Variants in CCNT2 observed in about 807,000 individuals in gnomAD.
The protein encoded by CCNT2 is cyclin-T2.
CCNT2 carries 18 observed loss-of-function variants against 70.0 expected under a neutral mutation model. The observed-to-expected ratio is 0.26, with a 90% CI of 0.18 to 0.38. CCNT2 has a LOEUF of 0.38. CCNT2 is among the 10% of genes least tolerant of loss of function. CCNT2 has a pLI of 1.00. For synonymous variants in CCNT2, 334 were observed against 313.3 expected (o/e 1.07, Z -0.70); for missense variants, 734 against 890.2 (o/e 0.82, Z 2.23).
chr2:134,943,199 G>C (rs1020264310), intron 5 of CCNT2: 1 of 609,348 alleles, frequency 1.6e-6, no homozygotes, highest in East Asian at 1.4e-4. Flanking sequence ...TCAGGAGTTC[G>C]AGACCAGCCT....
chr2:134,944,656 C>G (rs974577234), intron 5 of CCNT2: 1 of 981,672 alleles, frequency 1.0e-6, no homozygotes, highest in Non-Finnish European at 1.2e-6. Flanking sequence ...GAGTACAAAC[C>G]ATATATATGT....
chr2:134,919,057 C>T (rs769198810), intron 1 of CCNT2, 45 bp downstream of exon 1: 1 of 1,541,902 alleles, frequency 6.5e-7, no homozygotes, highest in Non-Finnish European at 8.7e-7. Flanking sequence ...TTTCCCTTGC[C>T]CGGTCGCCGG....
chr2:134,919,339 T>A (rs1679680701), intron 1 of CCNT2, among the ~76,000 whole-genome samples: 1 of 152,150 alleles, frequency 6.6e-6, no homozygotes, highest in Middle Eastern at 3.2e-3. Context: ...TCCCTGGACT[T>A]GTCCCTGACC....
In CCNT2 at chr2:134,953,462, C is replaced by T; in HGVS notation, c.1007C>T (p.Thr336Ile). 1 of 1,614,008 alleles carries T rather than the reference C, an allele frequency of 6.2e-7. No homozygotes were observed. The highest frequency in any genetic ancestry group is 8.5e-7 in the Non-Finnish European group (1 of 1,179,896). The change falls in exon 9 of 9, where the codon ACA (threonine) becomes ATA (isoleucine). Residue 336 changes from threonine (T) to isoleucine (I), a missense_variant. Coordinates refer to ENST00000264157, the MANE Select transcript of CCNT2 (RefSeq NM_058241.3). ...TCTGATAATTTGTCAATGCTAGCAA[C>T]AGGAATGCCAAGTACTTCATACGGT... ...HTSDNLSMLATGMPSTSYGLS... is the reference protein window; with the variant it reads ...HTSDNLSMLAIGMPSTSYGLS...
intron 4 of CCNT2, among the ~76,000 whole-genome samples, chr2:134,939,265 G>A (rs371546036): frequency 6.6e-6 from 1 of 152,012 alleles, no homozygotes; most frequent in Admixed American, 6.5e-5. Context: ...AATGGTAAAC[G>A]TACCCTTCAG....
chr2:134,923,229 C>A (rs990430770), intron 2 of CCNT2, among the ~76,000 whole-genome samples: 7 of 151,930 alleles, frequency 4.6e-5, no homozygotes, highest in Non-Finnish European at 1.0e-4. Context: ...TGCAGTGAGC[C>A]GAGATCACAT....
chr2:134,934,187 G>T (rs549445808), intron 2 of CCNT2, among the ~76,000 whole-genome samples: 3 of 152,060 alleles, frequency 2.0e-5, no homozygotes, highest in African/African-American at 4.8e-5. Flanking sequence ...AACACTATTC[G>T]CATCAACTTC....
intron 2 of CCNT2, 120 bp from the exon 3 acceptor site, chr2:134,936,721 T>C: frequency 1.3e-6 from 1 of 768,192 alleles, no homozygotes. Context: ...ACCACTGCAC[T>C]CCAGCCTGGG....
chr2:134,928,662 T>C (rs1188227364), intron 2 of CCNT2, among the ~76,000 whole-genome samples: 2 of 152,092 alleles, frequency 1.3e-5, no homozygotes, highest in African/African-American at 4.8e-5. Flanking sequence ...ATTCACACTA[T>C]AGTAATTCCT....
At position 134,954,199 on chromosome 2, in the gene CCNT2, A is replaced by G. The variant is rs182667340; in HGVS notation, c.1744A>G (p.Ser582Gly). 12 of 1,614,124 alleles carry G rather than the reference A, an allele frequency of 7.4e-6. No homozygotes were observed. In the East Asian group the frequency reaches 2.0e-4, roughly 27 times the overall value. The change falls in exon 9 of 9, where the codon AGC (serine) becomes GGC (glycine). Residue 582 changes from serine to glycine, a missense_variant. By Grantham distance (56) the Ser-to-Gly change is moderately conservative. Around this residue, in one of 3 missense-constraint regions of CCNT2, gnomAD observed 532 missense variants for 556.9 expected, o/e 0.96. Coordinates refer to ENST00000264157, the MANE Select transcript of CCNT2 (RefSeq NM_058241.3). ...CAAGCATTCCCACTCGCATAGTGGC[A>G]GCAGCAGCGGTGGCAGTAAACACAG... is the stretch of plus-strand genomic sequence containing the variant. ...SHKHSHSHSGSSSGGSKHSAD... is the reference protein window; with the variant it reads ...SHKHSHSHSGGSSGGSKHSAD...
rs760816765 is a variant in CCNT2 at position 134,918,822 on chromosome 2, G to C, written c.-33G>C. On this transcript the variant is annotated 5_prime_UTR_variant, in exon 1 of 9. Transcript: ENST00000264157. ...GTCCGCGAGCCAGGAGGGGCGGGGG[G>C]TGAATGAAGGAGCGGGCGGAGGAGG... 2.7e-4 allele frequency: 424 copies of C among 1,598,732 alleles called. No individual in the cohort carries two copies. Among genetic ancestry groups the C allele is most frequent in the Non-Finnish European group, 3.2e-4 (380 of 1,170,342 alleles).
chr2:134,944,072 AT>A, intron 5 of CCNT2: 1 of 984,938 alleles, frequency 1.0e-6, no homozygotes, highest in Non-Finnish European at 1.2e-6. Context: ...TCTAATTTGT[AT>A]TTTTTTGTAG....
chr2:134,926,191 T>G (rs561825070), intron 2 of CCNT2, among the ~76,000 whole-genome samples: 1 of 152,290 alleles, frequency 6.6e-6, no homozygotes, highest in African/African-American at 2.4e-5. Flanking sequence ...CTTCTAGTCT[T>G]TTCTTACAGT....
At chr2:134,952,970 A>G (rs1444271930) in intron 8 of CCNT2, 4 of 484,032 alleles carry the variant, frequency 8.3e-6, no homozygotes, top group Non-Finnish European at 1.4e-5. Context: ...ACTGAAGCCT[A>G]GACAAGTTAA....
In CCNT2 at chr2:134,947,790, A is replaced by G. The variant is rs756329091; in HGVS notation, c.594A>G (p.Val198=). 1.3e-6 allele frequency: 2 copies of G among 1,564,562 alleles called. No individual in the cohort carries two copies. The highest frequency in any genetic ancestry group is 1.7e-4 in the Middle Eastern group (1 of 5,848). ...LQYKPTVIAC[V]CIHLACKWSN... ...ACAAACCAACAGTGATAGCATGTGTATGCATTCATTTGGCTTGCAAATGGT... is the reference window on the plus strand; with the variant it reads ...ACAAACCAACAGTGATAGCATGTGTGTGCATTCATTTGGCTTGCAAATGGT... Residue 198 remains valine, a synonymous_variant, in exon 7 of 9, where the codon GTA becomes GTG. Coordinates refer to ENST00000264157, the MANE Select transcript of CCNT2 (RefSeq NM_058241.3).
rs531320130 is a variant in CCNT2 at position 134,921,589 on chromosome 2, G to C, written c.240+1698G>C. Among the ~76,000 whole-genome samples the C allele has an allele frequency of 1.4e-4, 21 of 152,252 alleles. No individual in the cohort carries two copies. The East Asian group carries it at 4.1e-3, about 29-fold the overall frequency. ...GGCCGGTCTTGAGCTCCTGACCTCAGGTGATCCGTCCGCCTCGGCCTCCCA... is the reference window on the plus strand; with the variant it reads ...GGCCGGTCTTGAGCTCCTGACCTCACGTGATCCGTCCGCCTCGGCCTCCCA... On this transcript the variant is annotated intron_variant, in intron 2 of 8. Transcript: ENST00000264157.
At chr2:134,951,966 G>A (rs1207164298) in intron 7 of CCNT2, among the ~76,000 whole-genome samples, 1 of 152,104 alleles carries the variant, frequency 6.6e-6, no homozygotes, top group East Asian at 1.9e-4. Flanking sequence ...TGACACTTAG[G>A]AGAATAATGG....
intron 4 of CCNT2, among the ~76,000 whole-genome samples, chr2:134,940,192 T>C (rs1051932731): frequency 5.3e-5 from 8 of 152,190 alleles, no homozygotes; most frequent in Non-Finnish European, 1.2e-4. Context: ...GACTCTTCGT[T>C]ACAAAACTAG....
intron 6 of CCNT2, 94 bp downstream of exon 6, chr2:134,946,240 G>A (rs552829067): frequency 9.9e-5 from 143 of 1,437,978 alleles, no homozygotes; most frequent in East Asian, 9.3e-4. Context: ...CCCTTGTTGC[G>A]ACAGGAGACT....
Sources: allele counts gnomAD v4.1 joint callset (sites outside exome capture counted in the v4.1 genomes callset), GRCh38; gene constraint gnomAD v4.1.1; regional missense constraint gnomAD v4.1.1; transcripts MANE v1.5; gene names NCBI Gene and HGNC (gene_info 2026-07-23, HGNC 2026-07-21).